The following EMID1 variants were observed in gnomAD, a reference collection of about 807,000 sequenced individuals.
The protein encoded by EMID1 is EMI domain-containing protein 1.
A neutral mutation model predicts 60.6 loss-of-function variants in EMID1; 40 were observed. The observed-to-expected ratio is 0.66, with a 90% CI of 0.51 to 0.86. The LOEUF (loss-of-function observed/expected upper bound fraction) is 0.86, where lower values mean the gene tolerates loss of function less well. EMID1 is among the 40% of genes least tolerant of loss of function. EMID1 has a pLI of 0.00. For missense variants in EMID1, 585 were observed against 597.1 expected (o/e 0.98, Z 0.21); for synonymous variants, 242 against 231.0 (o/e 1.05, Z -0.43).
At position 29,231,521 on chromosome 22, in the gene EMID1, TG is replaced by T. The variant is rs111764381; in HGVS notation, c.587-66del. The T allele has an allele frequency of 3.9e-5, 58 of 1,472,986 alleles. 3 individuals are homozygous for T. The African/African-American group carries it at 4.6e-4, about 12-fold the overall frequency. The allele number at this position is 1,472,986 out of a possible 1,614,324, so 91.2% of individuals were successfully genotyped here. On this transcript the variant is annotated intron_variant, in intron 6 of 14. Transcript: ENST00000334018. ...CTTCCCCGAAATGGTAGATGCTGGT[TG>T]GGGGGCTGGGGCCAGGGTGGGGGTC...
rs132374 is a variant in EMID1 at position 29,210,250 on chromosome 22, ATT to A, written c.101+4130_101+4131del. 7.4e-3 allele frequency among the ~76,000 whole-genome samples: 936 copies of A among 126,806 alleles called. 3 individuals are homozygous for A. Among genetic ancestry groups the A allele is most frequent in the African/African-American group, 8.1e-3 (282 of 34,660 alleles). The allele number at this position is 126,806 out of a possible 152,430, so 83.2% of individuals were successfully genotyped here. On this transcript the variant is annotated intron_variant, in intron 1 of 14. Transcript: ENST00000334018. ...AACCAGGCAGGGACCCACATGGCAA[ATT>A]TTTTTTTTTTTTTTTTTTGAGACGG...
chr22:29,207,961 C>A (rs2039737337), intron 1 of EMID1, among the ~76,000 whole-genome samples: 1 of 152,236 alleles, frequency 6.6e-6, no homozygotes, highest in Non-Finnish European at 1.5e-5. Flanking sequence ...CTTGCTCTTA[C>A]AGGCTTGATG....
At chr22:29,254,321 A>G in intron 14 of EMID1, 34 bp downstream of exon 14, 5 of 1,599,784 alleles carry the variant, frequency 3.1e-6, no homozygotes, top group Non-Finnish European at 3.4e-6. Context: ...CAGACGGCCC[A>G]GCCCCTGCCT....
intron 5 of EMID1, among the ~76,000 whole-genome samples, chr22:29,227,329 A>T (rs2040552012): frequency 6.6e-6 from 1 of 152,022 alleles, no homozygotes; most frequent in African/African-American, 2.4e-5. Flanking sequence ...AAGCTCAAGC[A>T]ATTCACTGTC....
intron 13 of EMID1, among the ~76,000 whole-genome samples, chr22:29,244,138 C>A (rs1474674451): frequency 6.6e-6 from 1 of 152,104 alleles, no homozygotes; most frequent in African/African-American, 2.4e-5. Flanking sequence ...ACACAAGGTC[C>A]TAGACACCAT....
At chr22:29,237,924 C>G (rs1381430349) in intron 12 of EMID1, among the ~76,000 whole-genome samples, 1 of 144,904 alleles carries the variant, frequency 6.9e-6, no homozygotes, top group Non-Finnish European at 1.5e-5. Flanking sequence ...CACTTCATTC[C>G]ATAAAATAAA....
intron 1 of EMID1, 21 bp from the exon 2 acceptor site, chr22:29,214,905 C>T: frequency 1.3e-6 from 2 of 1,491,366 alleles, no homozygotes; most frequent in Non-Finnish European, 1.8e-6. Flanking sequence ...CCTGAGTTTC[C>T]TCTCTTTGGG....
At chr22:29,213,402 TCTCCCAGC>T (rs1383678460) in intron 1 of EMID1, among the ~76,000 whole-genome samples, 1 of 152,200 alleles carries the variant, frequency 6.6e-6, no homozygotes, top group Non-Finnish European at 1.5e-5. Context: ...AACCATCCCT[TCTCCCAGC>T]CTTCCCACCT....
intron 3 of EMID1, among the ~76,000 whole-genome samples, chr22:29,223,465 G>T (rs2040377175): frequency 6.6e-6 from 1 of 152,224 alleles, no homozygotes; most frequent in Non-Finnish European, 1.5e-5. Flanking sequence ...GAAGCAGAAA[G>T]AATGAAGAGG....
Position 29,221,519 on chromosome 22 carries a change from C to T in EMID1, c.320-3614C>T, listed in dbSNP as rs1022383096. On this transcript the variant is annotated intron_variant, in intron 3 of 14. Transcript: ENST00000334018. ...CCTCCCGCGTAGCTGGGACTACAGGCGTCTGCCACCACACCTGGCTAATTT... is the reference window on the plus strand; with the variant it reads ...CCTCCCGCGTAGCTGGGACTACAGGTGTCTGCCACCACACCTGGCTAATTT... Among the ~76,000 whole-genome samples the T allele has an allele frequency of 3.3e-5, 5 of 152,136 alleles. No individual in the cohort carries two copies. In the East Asian group the frequency reaches 9.6e-4, roughly 29 times the overall value.
intron 2 of EMID1, 44 bp from the exon 3 acceptor site, chr22:29,215,483 A>C (rs747477461): frequency 5.7e-6 from 9 of 1,580,748 alleles, no homozygotes; most frequent in Non-Finnish European, 7.8e-6. Flanking sequence ...GGGAGAGGTC[A>C]TGGAGGACCC....
At chr22:29,210,691 A>G (rs2039850502) in intron 1 of EMID1, among the ~76,000 whole-genome samples, 3 of 152,168 alleles carry the variant, frequency 2.0e-5, no homozygotes, top group Admixed American at 6.5e-5. Context: ...CCAATGGTAG[A>G]GATTTTAATT....
At chr22:29,249,141 A>T (rs2041431906) in intron 13 of EMID1, among the ~76,000 whole-genome samples, 1 of 152,236 alleles carries the variant, frequency 6.6e-6, no homozygotes, top group East Asian at 1.9e-4. Flanking sequence ...TACCGTCGTC[A>T]TACTTAAGAA....
At chr22:29,206,254 GGC>G in intron 1 of EMID1, 115 bp downstream of exon 1, 1 of 841,056 alleles carries the variant, frequency 1.2e-6, no homozygotes, top group Non-Finnish European at 1.6e-6. Context: ...CCCGGGTGAG[GGC>G]AGGGACACGG....
intron 13 of EMID1, among the ~76,000 whole-genome samples, chr22:29,250,962 G>A (rs376581738): frequency 3.0e-4 from 46 of 151,194 alleles, no homozygotes; most frequent in African/African-American, 1.1e-3. Context: ...GTGTTGCCCA[G>A]GCTGGAGTGC....
chr22:29,231,529 TG>T, intron 6 of EMID1, 63 bp from the exon 7 acceptor site: 2 of 1,509,674 alleles, frequency 1.3e-6, no homozygotes, highest in Non-Finnish European at 1.8e-6. Flanking sequence ...GTTGGGGGGC[TG>T]GGGCCAGGGT....
At chr22:29,241,395 C>A (rs996702829) in intron 12 of EMID1, among the ~76,000 whole-genome samples, 1 of 152,054 alleles carries the variant, frequency 6.6e-6, no homozygotes, top group Non-Finnish European at 1.5e-5. Flanking sequence ...CTTCTAAGGT[C>A]TTTTTATTTT....
At chr22:29,238,904 G>T (rs2041059315) in intron 12 of EMID1, among the ~76,000 whole-genome samples, 1 of 143,532 alleles carries the variant, frequency 7.0e-6, no homozygotes, top group African/African-American at 2.8e-5. Context: ...TCATTTCTTG[G>T]CATTTATCCT....
intron 3 of EMID1, among the ~76,000 whole-genome samples, chr22:29,219,900 A>G (rs1269687698): frequency 6.6e-6 from 1 of 152,096 alleles, no homozygotes; most frequent in Non-Finnish European, 1.5e-5. Flanking sequence ...CATCTCTTTC[A>G]TCTTAACCAG....
Sources: allele counts gnomAD v4.1 joint callset (sites outside exome capture counted in the v4.1 genomes callset), GRCh38; gene constraint gnomAD v4.1.1; transcripts MANE v1.5; gene names NCBI Gene and HGNC (gene_info 2026-07-23, HGNC 2026-07-21).